Variants in PRH1 observed in about 807,000 individuals in gnomAD.
PRH1 encodes the protein salivary acidic proline-rich phosphoprotein 1/2.
In PRH1, 7 loss-of-function variants were observed where a neutral mutation model predicts 7.9. The observed-to-expected ratio is 0.89, with a 90% CI of 0.50 to 1.67. The LOEUF (loss-of-function observed/expected upper bound fraction) is 1.67, where lower values mean the gene tolerates loss of function less well. Among genes scored for constraint, PRH1 ranks in the 40% most tolerant of loss-of-function variants. The pLI is 0.00. For synonymous variants in PRH1, 45 were observed against 80.8 expected, an observed-to-expected ratio of 0.56 and a Z score of 2.38; for missense variants, 109 against 223.6, an observed-to-expected ratio of 0.49 and a Z score of 3.27.
chr12:10,893,089 C>T (rs74961357), intron 2 of PRH1, among the ~76,000 whole-genome samples: 4,328 of 152,254 alleles, frequency 0.028, 194 homozygotes, highest in African/African-American at 0.098. Context: ...ATTACATCTT[C>T]ACAAAGCATG....
chr12:10,982,465 C>T (rs868038005), intron 1 of PRH1, among the ~76,000 whole-genome samples: 1 of 152,190 alleles, frequency 6.6e-6, no homozygotes, highest in Non-Finnish European at 1.5e-5. Context: ...GTTTCCAGCA[C>T]TTTGTATGCG....
intron 1 of PRH1, among the ~76,000 whole-genome samples, chr12:11,170,559 CAA>C (rs1362316205): frequency 2.0e-5 from 3 of 151,994 alleles, no homozygotes; most frequent in Admixed American, 1.3e-4. Context: ...AAAACAACAA[CAA>C]AAAAAGAGTT....
chr12:11,035,259 C>T (rs1942387317), intron 1 of PRH1, among the ~76,000 whole-genome samples: 1 of 143,354 alleles, frequency 7.0e-6, no homozygotes, highest in Admixed American at 7.2e-5. Flanking sequence ...CATTTGTTCT[C>T]TTCTAATTTT....
chr12:11,118,139 A>G (rs1945783432), downstream of PRH1, among the ~76,000 whole-genome samples: 1 of 152,230 alleles, frequency 6.6e-6, no homozygotes, highest in Admixed American at 6.5e-5. Flanking sequence ...AATCCACAGA[A>G]TAGGAGAAAA....
intron 1 of PRH1, among the ~76,000 whole-genome samples, chr12:11,053,273 A>C (rs1158657127): frequency 6.6e-6 from 1 of 152,196 alleles, no homozygotes; most frequent in Non-Finnish European, 1.5e-5. Flanking sequence ...TGTGCCTTTG[A>C]ATTACATCAT....
rs1421337208 is a variant in PRH1 at position 10,911,866 on chromosome 12, C to A, written c.-58-27591G>T. Among the ~76,000 whole-genome samples the A allele has an allele frequency of 2.0e-5, 3 of 152,206 alleles. No homozygotes were observed. The East Asian group carries it at 5.8e-4, about 29-fold the overall frequency. ...AGAGAACTTTGTAAACCCCATAACA[C>A]CTTATTTGCTCCTTTCTAATCACAA... On this transcript the variant is annotated intron_variant, in intron 2 of 3. Transcript: ENST00000539853.
At chr12:10,932,625 C>A (rs1477164794) in intron 2 of PRH1, among the ~76,000 whole-genome samples, 2 of 152,134 alleles carry the variant, frequency 1.3e-5, no homozygotes, top group Non-Finnish European at 1.5e-5. Context: ...GAAACTTTAA[C>A]AAGTTTGAGA....
intron 1 of PRH1, among the ~76,000 whole-genome samples, chr12:11,071,649 A>G (rs1353798993): frequency 6.6e-6 from 1 of 152,194 alleles, no homozygotes; most frequent in Non-Finnish European, 1.5e-5. Context: ...TTGTCATTTA[A>G]TGTGTTCTAA....
intron 2 of PRH1, among the ~76,000 whole-genome samples, chr12:10,897,478 A>G (rs1565457057): frequency 6.6e-6 from 1 of 152,226 alleles, no homozygotes; most frequent in Non-Finnish European, 1.5e-5. Flanking sequence ...GTCTTGAACA[A>G]AACCCTAACC....
upstream of PRH1, among the ~76,000 whole-genome samples, chr12:11,050,563 A>G (rs1464380720): frequency 1.3e-5 from 2 of 150,880 alleles, no homozygotes; most frequent in Non-Finnish European, 3.0e-5. Flanking sequence ...GTTTATGGCC[A>G]GATTTGGGGG....
At chr12:11,164,184 G>C (rs1947503998) in intron 1 of PRH1, among the ~76,000 whole-genome samples, 1 of 152,188 alleles carries the variant, frequency 6.6e-6, no homozygotes, top group Non-Finnish European at 1.5e-5. Flanking sequence ...ATGAGCATTG[G>C]AATCTGTAGA....
chr12:11,148,332 G>T (rs1364722842), intron 1 of PRH1, among the ~76,000 whole-genome samples: 1 of 151,872 alleles, frequency 6.6e-6, no homozygotes, highest in Non-Finnish European at 1.5e-5. Context: ...ATGTTGAATA[G>T]GAGTGGTGAG....
chr12:11,086,097 A>AGC (rs1944677451), intron 1 of PRH1, among the ~76,000 whole-genome samples: 2 of 29,080 alleles, frequency 6.9e-5, no homozygotes, highest in South Asian at 1.4e-3. Flanking sequence ...CATTAACATA[A>AGC]ACACATTCCC....
chr12:11,074,033 C>A lies in PRH1; in HGVS notation n.124-26845G>T, dbSNP rs1166862958. On this transcript the variant is annotated intron_variant and non_coding_transcript_variant, in intron 1 of 4. Transcript: ENST00000541977. ...AGGGCATGAGCACATCTGAGTGGCA[C>A]AAGGAGGGGACTATATTGGACACAA... Among the ~76,000 whole-genome samples the A allele has an allele frequency of 2.1e-5, 3 of 140,736 alleles. No homozygotes were observed. In the South Asian group the frequency reaches 6.5e-4, roughly 30 times the overall value. 92.3% of individuals were successfully genotyped at this position (140,736 alleles called of 152,430 possible).
intron 2 of PRH1, among the ~76,000 whole-genome samples, chr12:10,904,227 C>G (rs1169996340): frequency 6.6e-6 from 1 of 151,652 alleles, no homozygotes. Context: ...AAAAGCAACC[C>G]TAAGCAAAAA....
upstream of PRH1, among the ~76,000 whole-genome samples, chr12:10,887,833 C>T (rs369991324): frequency 9.1e-4 from 138 of 152,136 alleles, 1 homozygote; most frequent in South Asian, 8.1e-3. Flanking sequence ...CGGATGTTGT[C>T]GATGTTGTTT....
chr12:11,014,076 T>A (rs1326905655), intron 1 of PRH1, among the ~76,000 whole-genome samples: 1 of 152,142 alleles, frequency 6.6e-6, no homozygotes, highest in Non-Finnish European at 1.5e-5. Flanking sequence ...GGAAAAATAT[T>A]TACATAATGT....
At chr12:10,965,922 G>T (rs1213366174) in intron 2 of PRH1, among the ~76,000 whole-genome samples, 1 of 152,150 alleles carries the variant, frequency 6.6e-6, no homozygotes, top group Non-Finnish European at 1.5e-5. Context: ...GGAACCATGG[G>T]AATGCCAATA....
intron 1 of PRH1, among the ~76,000 whole-genome samples, chr12:11,063,702 G>A (rs960200413): frequency 6.6e-6 from 1 of 152,058 alleles, no homozygotes; most frequent in Admixed American, 6.6e-5. Flanking sequence ...GAATTCAGGA[G>A]CCAAAAGCAA....
Sources: allele counts gnomAD v4.1 joint callset (sites outside exome capture counted in the v4.1 genomes callset), GRCh38; gene constraint gnomAD v4.1.1; transcripts MANE v1.5; gene names NCBI Gene and HGNC (gene_info 2026-07-23, HGNC 2026-07-21).